Variants in TENM4 observed in about 807,000 individuals in gnomAD.
TENM4 encodes the protein teneurin transmembrane protein 4, also known as teneurin-4.
TENM4 carries 82 observed loss-of-function variants against 243.3 expected under a neutral mutation model. The observed-to-expected ratio is 0.34, with a 90% CI of 0.28 to 0.40. TENM4 has a LOEUF of 0.40. Among genes scored for constraint, TENM4 ranks in the 10% least tolerant of loss-of-function variants. TENM4 has a pLI of 1.00. For synonymous variants in TENM4, 1,412 were observed against 1,456.3 expected (o/e 0.97, Z 0.69); for missense variants, 3,138 against 3,673.3 (o/e 0.85, Z 3.77).
At chr11:78,912,317 C>T (rs976927285) in intron 6 of TENM4, among the ~76,000 whole-genome samples, 1 of 152,156 alleles carries the variant, frequency 6.6e-6, no homozygotes, top group Non-Finnish European at 1.5e-5. Context: ...TGCAGTGGTG[C>T]GATCTCAGCC....
chr11:79,099,311 C>T (rs1861164329), intron 4 of TENM4, among the ~76,000 whole-genome samples: 1 of 152,156 alleles, frequency 6.6e-6, no homozygotes, highest in Admixed American at 6.5e-5. Flanking sequence ...GCAGGCCCCC[C>T]ATATAGTCTT....
chr11:79,242,407 GAAAGA>G (rs1005969723), intron 2 of TENM4, among the ~76,000 whole-genome samples: 2 of 152,042 alleles, frequency 1.3e-5, no homozygotes, highest in African/African-American at 4.8e-5. Context: ...CAGAAAGGTG[GAAAGA>G]AAAGAAGAAA....
chr11:79,283,053 A>T (rs1856184525), intron 2 of TENM4, among the ~76,000 whole-genome samples: 1 of 152,162 alleles, frequency 6.6e-6, no homozygotes, highest in Non-Finnish European at 1.5e-5. Context: ...CCTTGTTCTT[A>T]TCACCACCTT....
At chr11:79,164,440 AC>A (rs1363581685) in intron 3 of TENM4, among the ~76,000 whole-genome samples, 4 of 137,756 alleles carry the variant, frequency 2.9e-5, no homozygotes, top group African/African-American at 1.1e-4. Context: ...ATATATATGT[AC>A]TATATAGTAT....
At chr11:79,422,990 C>T (rs1858968241) in intron 1 of TENM4, among the ~76,000 whole-genome samples, 1 of 152,180 alleles carries the variant, frequency 6.6e-6, no homozygotes, top group Non-Finnish European at 1.5e-5. Context: ...ATCCTGTCTT[C>T]TAAAGTAGAC....
At chr11:78,784,940 G>A (rs1315024582) in intron 16 of TENM4, among the ~76,000 whole-genome samples, 2 of 149,850 alleles carry the variant, frequency 1.3e-5, no homozygotes, top group Non-Finnish European at 1.5e-5. Flanking sequence ...TAACATTTTT[G>A]TCCAACATTT....
At chr11:78,745,187 C>A (rs566048852) in intron 19 of TENM4, among the ~76,000 whole-genome samples, 49 of 151,592 alleles carry the variant, frequency 3.2e-4, no homozygotes, top group Non-Finnish European at 6.5e-4. Context: ...CACAACAAAC[C>A]AGTGTGGGTC....
chr11:79,111,301 T>G lies in TENM4; in HGVS notation c.-66+37409A>C, dbSNP rs937882355. ...TGGCTCACACCTGTAATCCCAGAAC[T>G]TTGGGAGGCCGAGGTGGGTAGATTA... On this transcript the variant is annotated intron_variant, in intron 4 of 33. Transcript: ENST00000278550. Among the ~76,000 whole-genome samples, 3 of 152,130 alleles carry G rather than the reference T, an allele frequency of 2.0e-5. No homozygotes were observed. In the East Asian group the frequency reaches 5.8e-4, roughly 29 times the overall value.
chr11:79,051,989 A>G (rs1859806514), intron 6 of TENM4, among the ~76,000 whole-genome samples: 1 of 152,228 alleles, frequency 6.6e-6, no homozygotes, highest in African/African-American at 2.4e-5. Context: ...TCCATGGTGT[A>G]TATGTACCAC....
chr11:79,256,305 C>G (rs1332554071), intron 2 of TENM4, among the ~76,000 whole-genome samples: 3 of 152,216 alleles, frequency 2.0e-5, no homozygotes, highest in African/African-American at 7.2e-5. Context: ...AAACCCTGCT[C>G]CTCTCTCAAC....
chr11:79,390,665 C>G (rs774668562), intron 1 of TENM4, among the ~76,000 whole-genome samples: 2 of 152,158 alleles, frequency 1.3e-5, no homozygotes, highest in African/African-American at 2.4e-5. Flanking sequence ...CGGTCTGGCT[C>G]CAGCTGTTCT....
intron 6 of TENM4, among the ~76,000 whole-genome samples, chr11:79,040,626 G>A (rs1448682981): frequency 6.6e-6 from 1 of 152,156 alleles, no homozygotes; most frequent in African/African-American, 2.4e-5. Context: ...GGGAACAGAG[G>A]AAGTTTTCCA....
intron 6 of TENM4, among the ~76,000 whole-genome samples, chr11:79,061,110 A>G (rs925197518): frequency 1.3e-5 from 2 of 152,226 alleles, no homozygotes; most frequent in African/African-American, 4.8e-5. Flanking sequence ...CCCTGTGCAC[A>G]GCCTTTAATC....
At chr11:79,369,792 C>T (rs906844655) in intron 1 of TENM4, among the ~76,000 whole-genome samples, 25 of 152,190 alleles carry the variant, frequency 1.6e-4, no homozygotes, top group African/African-American at 5.8e-4. Flanking sequence ...GGGTCAAATT[C>T]CCCCAAGATT....
rs973969188 is a variant in TENM4 at position 79,111,258 on chromosome 11, T to A, written c.-66+37452A>T. Among the ~76,000 whole-genome samples, 3 of 152,150 alleles carry A rather than the reference T, an allele frequency of 2.0e-5. No homozygotes were observed. In the East Asian group the frequency reaches 5.8e-4, roughly 29 times the overall value. On this transcript the variant is annotated intron_variant, in intron 4 of 33. Transcript: ENST00000278550. ...AAAACTGTGAGTCCATCAAACCTCT[T>A]TTTCTGGCCAGGCGCCGTGGCTCAC...
At chr11:78,917,958 G>A (rs1315079814) in intron 6 of TENM4, among the ~76,000 whole-genome samples, 1 of 152,198 alleles carries the variant, frequency 6.6e-6, no homozygotes, top group East Asian at 1.9e-4. Context: ...GAACACGCAT[G>A]ACACACAGCA....
chr11:79,091,410 TA>T (rs111587457), intron 4 of TENM4, among the ~76,000 whole-genome samples: 1,960 of 151,646 alleles, frequency 0.013, 48 homozygotes, highest in African/African-American at 0.045. Flanking sequence ...GTTGGAGATA[TA>T]AAAAAAAATA....
intron 4 of TENM4, among the ~76,000 whole-genome samples, chr11:79,080,730 A>G (rs2137027566): frequency 6.6e-6 from 1 of 152,326 alleles, no homozygotes; most frequent in South Asian, 2.1e-4. Flanking sequence ...ACTTTGGGAA[A>G]TTGCCAGTCT....
At chr11:79,365,005 A>G (rs1350681544) in intron 1 of TENM4, among the ~76,000 whole-genome samples, 1 of 152,220 alleles carries the variant, frequency 6.6e-6, no homozygotes, top group African/African-American at 2.4e-5. Context: ...TCAAAATCTT[A>G]CTAATGAGGT....
Sources: allele counts gnomAD v4.1 joint callset (sites outside exome capture counted in the v4.1 genomes callset), GRCh38; gene constraint gnomAD v4.1.1; transcripts MANE v1.5; gene names NCBI Gene and HGNC (gene_info 2026-07-23, HGNC 2026-07-21).